Variants in STAT5B observed in about 807,000 individuals in gnomAD.
STAT5B encodes the protein transcription factor STAT5B.
Under a neutral mutation model 107.8 loss-of-function variants are expected in STAT5B, and 21 were observed. The ratio of observed to expected loss-of-function variants is 0.19; its 90% CI spans 0.14 to 0.28. The LOEUF (loss-of-function observed/expected upper bound fraction) is 0.28. STAT5B is among the 10% of genes least tolerant of loss of function. The pLI is 1.00. For synonymous variants in STAT5B, 325 were observed against 401.7 expected (o/e 0.81, Z 2.28); for missense variants, 565 against 1,008.2 (o/e 0.56, Z 5.95).
At chr17:42,232,840 GTT>G (rs931007817) in intron 1 of STAT5B, among the ~76,000 whole-genome samples, 16 of 133,284 alleles carry the variant, frequency 1.2e-4, no homozygotes, top group South Asian at 9.7e-4. Flanking sequence ...TTAGCAGAGA[GTT>G]TTTTTTTTTT....
rs146773363 is a variant in STAT5B at position 42,255,417 on chromosome 17, C to G, written c.-11+20831G>C. 2.8e-4 allele frequency among the ~76,000 whole-genome samples: 42 copies of G among 152,310 alleles called. No individual in the cohort carries two copies. In the East Asian group the frequency reaches 6.4e-3, roughly 23 times the overall value. ...GGTATGCAACAAGCTGCTGAATTAACTTGTCTTTGCATACTCATTGCACAT... is the reference window on the plus strand; with the variant it reads ...GGTATGCAACAAGCTGCTGAATTAAGTTGTCTTTGCATACTCATTGCACAT... On this transcript the variant is annotated intron_variant, in intron 1 of 18. Coordinates refer to ENST00000293328, the MANE Select transcript of STAT5B (RefSeq NM_012448.4).
chr17:42,243,644 T>C (rs919436749), intron 1 of STAT5B, among the ~76,000 whole-genome samples: 19 of 152,222 alleles, frequency 1.2e-4, no homozygotes, highest in African/African-American at 4.6e-4. Flanking sequence ...ATGCGAGTAC[T>C]CATTGTTCTA....
intron 4 of STAT5B, among the ~76,000 whole-genome samples, chr17:42,224,259 A>T (rs770328611): frequency 6.6e-5 from 10 of 152,178 alleles, no homozygotes; most frequent in Non-Finnish European, 1.3e-4. Flanking sequence ...CTGAGGTTGA[A>T]TTACTTTGCA....
intron 1 of STAT5B, among the ~76,000 whole-genome samples, chr17:42,241,295 G>C (rs1406725473): frequency 6.9e-6 from 1 of 145,302 alleles, no homozygotes; most frequent in Non-Finnish European, 1.5e-5. Flanking sequence ...AGCTGAGATC[G>C]CACCATTGCA....
chr17:42,275,723 T>G (rs994558659), intron 1 of STAT5B, among the ~76,000 whole-genome samples: 1 of 151,980 alleles, frequency 6.6e-6, no homozygotes, highest in Non-Finnish European at 1.5e-5. Context: ...TCGTATTTGT[T>G]GTCTTGATTC....
chr17:42,247,021 G>T (rs1164459421), intron 1 of STAT5B, among the ~76,000 whole-genome samples: 1 of 152,208 alleles, frequency 6.6e-6, no homozygotes, highest in Non-Finnish European at 1.5e-5. Context: ...TTTGTGCCAA[G>T]AACCTATACC....
intron 1 of STAT5B, among the ~76,000 whole-genome samples, chr17:42,263,499 C>G (rs1426698301): frequency 6.6e-6 from 1 of 151,930 alleles, no homozygotes; most frequent in Non-Finnish European, 1.5e-5. Context: ...CAAAAGGATT[C>G]CCTGTATTAT....
At chr17:42,283,180 G>A in the STAT5B span, among the ~76,000 whole-genome samples, 2 of 152,202 alleles carry the variant, frequency 1.3e-5, no homozygotes, top group Non-Finnish European at 2.9e-5. Context: ...CTGGAAGGAG[G>A]AGAAACTAGC....
intron 1 of STAT5B, chr17:42,272,188 G>A (rs1183857237): frequency 2.0e-5 from 3 of 152,192 alleles, no homozygotes; most frequent in Non-Finnish European, 4.4e-5. Flanking sequence ...AGTAAAGGAA[G>A]AGTTTTAAGG....
chr17:42,218,950 C>T (rs1448412582), intron 7 of STAT5B, 72 bp from the exon 8 acceptor site: 1 of 1,612,642 alleles, frequency 6.2e-7, no homozygotes, highest in Admixed American at 1.7e-5. Context: ...CAAGACACAG[C>T]TCCCGTTCCC....
chr17:42,226,188 G>C (rs112598006), intron 3 of STAT5B, among the ~76,000 whole-genome samples: 2,047 of 152,170 alleles, frequency 0.013, 57 homozygotes, highest in African/African-American at 0.047. Context: ...ACCCGCCTCA[G>C]CCTCCCAAAG....
chr17:42,284,424 G>A, the STAT5B span, among the ~76,000 whole-genome samples: 4 of 152,154 alleles, frequency 2.6e-5, no homozygotes, highest in East Asian at 5.8e-4. Context: ...GCACCACCAC[G>A]CCCAGCTAAT....
chr17:42,218,767 C>A lies in STAT5B; in HGVS notation c.945G>T (p.Glu315Asp). ...IPGPVEEMLA[E>D]VNATITDIIS... ...TAATGTCCGTGATGGTGGCGTTGAC[C>A]TCGGCCAGCATCTCCTCCACTGGGC... The change falls in exon 8 of 19, where the codon GAG becomes GAT. Residue 315 changes from glutamate to aspartate, a missense_variant. Around this residue, in one of 11 missense-constraint regions of STAT5B, gnomAD observed 48 missense variants for 106.5 expected, o/e 0.45. Coordinates refer to ENST00000293328, the MANE Select transcript of STAT5B (RefSeq NM_012448.4). 6.2e-7 allele frequency: 1 copy of A among 1,612,896 alleles called. No homozygotes were observed.
chr17:42,210,145 G>T, intron 15 of STAT5B, 26 bp downstream of exon 15: 1 of 1,614,090 alleles, frequency 6.2e-7, no homozygotes, highest in South Asian at 1.1e-5. Context: ...AGCTAACTTT[G>T]GACATAAGAA....
intron 12 of STAT5B, among the ~76,000 whole-genome samples, chr17:42,214,901 G>A (rs1045252423): frequency 8.5e-5 from 13 of 152,102 alleles, no homozygotes; most frequent in African/African-American, 3.1e-4. Flanking sequence ...AGAGGCTGGT[G>A]TACCATGCCT....
intron 2 of STAT5B, among the ~76,000 whole-genome samples, chr17:42,231,041 A>G (rs1567665109): frequency 7.0e-6 from 1 of 143,472 alleles, no homozygotes; most frequent in Admixed American, 6.8e-5. Context: ...TTAAATTATT[A>G]ATTTTTAGTT....
intron 1 of STAT5B, among the ~76,000 whole-genome samples, chr17:42,262,054 C>A (rs2080601799): frequency 6.6e-6 from 1 of 152,124 alleles, no homozygotes; most frequent in African/African-American, 2.4e-5. Context: ...GTCTACTGGG[C>A]TCAAAATTGT....
chr17:42,266,385 A>T (rs1359831946), intron 1 of STAT5B, among the ~76,000 whole-genome samples: 1 of 151,692 alleles, frequency 6.6e-6, no homozygotes, highest in African/African-American at 2.4e-5. Context: ...ATAATAAATT[A>T]AAATAATAAA....
chr17:42,224,728 G>A, intron 4 of STAT5B, 51 bp downstream of exon 4: 1 of 1,580,408 alleles, frequency 6.3e-7, no homozygotes, highest in Non-Finnish European at 8.7e-7. Context: ...AGAGGGAGGT[G>A]GGTAAGAAAA....
Sources: allele counts gnomAD v4.1 joint callset (sites outside exome capture counted in the v4.1 genomes callset), GRCh38; gene constraint gnomAD v4.1.1; regional missense constraint gnomAD v4.1.1; transcripts MANE v1.5; gene names NCBI Gene and HGNC (gene_info 2026-07-23, HGNC 2026-07-21).